CDH2: variants seen among roughly 807,000 people sequenced by gnomAD.
CDH2 encodes cadherin-2.
CDH2 carries 17 observed loss-of-function variants against 92.0 expected under a neutral mutation model. The ratio of observed to expected loss-of-function variants is 0.18; its 90% CI spans 0.13 to 0.28. The LOEUF (loss-of-function observed/expected upper bound fraction) is 0.28. Ranked by LOEUF, CDH2 falls within the 10% of genes least tolerant of loss-of-function variation. CDH2 has a pLI of 1.00. For synonymous variants in CDH2, 419 were observed against 415.9 expected, an observed-to-expected ratio of 1.01 and a Z score of -0.09; for missense variants, 862 against 1,133.1, an observed-to-expected ratio of 0.76 and a Z score of 3.44.
At chr18:28,163,202 A>T (rs1302767734) in intron 1 of CDH2, among the ~76,000 whole-genome samples, 1 of 152,208 alleles carries the variant, frequency 6.6e-6, no homozygotes, top group African/African-American at 2.4e-5. Flanking sequence ...AGTCCACCAG[A>T]TTTTTTTAAA....
rs1449224861 is a variant in CDH2, at chr18:27,985,139, T to C, written c.2070A>G (p.Lys690=). Residue 690 remains lysine (K), a synonymous_variant, in exon 13 of 16, where the codon AAA becomes AAG. Coordinates refer to ENST00000269141, the MANE Select transcript of CDH2 (RefSeq NM_001792.5). The part of the protein sequence containing the change: ...IIITDSGNPP[K]SNISILRVKV... ...TCACACGCAGGATGGAAATATTTGA[T>C]TTGGGAGGATTACCCGAATCTGTGA... 1.9e-6 allele frequency: 3 copies of C among 1,613,640 alleles called. No individual in the cohort carries two copies. Among genetic ancestry groups the C allele is most frequent in the Non-Finnish European group, 2.5e-6 (3 of 1,179,664 alleles).
chr18:27,939,741 T>C (rs1909093614), intron 6 of CDH2, among the ~76,000 whole-genome samples: 1 of 152,212 alleles, frequency 6.6e-6, no homozygotes, highest in Non-Finnish European at 1.5e-5. Flanking sequence ...CAACATTAAA[T>C]GGCTAAGTTA....
chr18:28,132,000 C>CA (rs1456642701), intron 2 of CDH2, among the ~76,000 whole-genome samples: 1 of 152,204 alleles, frequency 6.6e-6, no homozygotes, highest in Non-Finnish European at 1.5e-5. Context: ...GCAAATGTGA[C>CA]AAGGTCCCTG....
At chr18:28,043,495 A>ATATATATATATAT (rs1567976503) in intron 2 of CDH2, among the ~76,000 whole-genome samples, 14 of 87,382 alleles carry the variant, frequency 1.6e-4, no homozygotes, top group African/African-American at 2.4e-4. Context: ...TATATATATA[A>ATATATATATATAT]ATATATATAT....
chr18:27,943,477 A>G (rs536354963), intron 6 of CDH2, among the ~76,000 whole-genome samples: 2 of 152,324 alleles, frequency 1.3e-5, no homozygotes, highest in South Asian at 4.1e-4. Flanking sequence ...TGTTACCAAA[A>G]AGCATCAACG....
At chr18:28,012,092 T>G in intron 3 of CDH2, 100 bp from the exon 4 acceptor site, 1 of 988,620 alleles carries the variant, frequency 1.0e-6, no homozygotes, top group Admixed American at 2.6e-5. Flanking sequence ...AATCACAGTT[T>G]ATTATGAACA....
At chr18:28,059,820 TTCC>T (rs1280801327) in intron 2 of CDH2, among the ~76,000 whole-genome samples, 64 of 152,226 alleles carry the variant, frequency 4.2e-4, no homozygotes, top group African/African-American at 1.4e-3. Flanking sequence ...TTGAATCAGA[TTCC>T]AATGAGATTG....
chr18:28,009,735 C>T lies in CDH2; in HGVS notation c.684G>A (p.Glu228=), dbSNP rs745684063. 6.2e-7 allele frequency: 1 copy of T among 1,613,800 alleles called. No individual in the cohort carries two copies. The highest frequency in any genetic ancestry group is 1.7e-5 in the Admixed American group (1 of 59,986). ...QLSVTKPLDR[E]QIARFHLRAH... ...ATCTTACATGAAACCGGGCTATCTG[C>T]TCGCGATCCAGGGGCTTTGTCACCG... The change falls in exon 5 of 16, where the codon GAG becomes GAA. Residue 228 remains glutamate (E), a synonymous_variant. Coordinates refer to ENST00000269141, the MANE Select transcript of CDH2 (RefSeq NM_001792.5).
chr18:28,152,038 A>G (rs1016782451), intron 1 of CDH2, among the ~76,000 whole-genome samples: 6 of 152,218 alleles, frequency 3.9e-5, no homozygotes, highest in African/African-American at 1.4e-4. Flanking sequence ...GCATTTGAAA[A>G]TGTAAAAAAT....
intron 1 of CDH2, among the ~76,000 whole-genome samples, chr18:28,176,537 C>T (rs1256910342): frequency 2.0e-5 from 3 of 152,162 alleles, no homozygotes; most frequent in African/African-American, 7.2e-5. Context: ...AGAATTCCTA[C>T]TGTAAACTCG....
intron 2 of CDH2, among the ~76,000 whole-genome samples, chr18:28,121,054 T>C (rs909567851): frequency 6.6e-6 from 1 of 152,172 alleles, no homozygotes; most frequent in Non-Finnish European, 1.5e-5. Flanking sequence ...AACACTAATG[T>C]TATTCTGTGC....
At chr18:28,017,021 T>C (rs189813872) in intron 2 of CDH2, among the ~76,000 whole-genome samples, 1 of 152,190 alleles carries the variant, frequency 6.6e-6, no homozygotes, top group Admixed American at 6.5e-5. Flanking sequence ...TATTCTGTTA[T>C]AGCTAGTATT....
intron 2 of CDH2, among the ~76,000 whole-genome samples, chr18:28,087,860 C>A (rs1255335724): frequency 3.9e-5 from 6 of 151,980 alleles, no homozygotes; most frequent in African/African-American, 1.5e-4. Flanking sequence ...ATGATGGGAG[C>A]CCTGGGACCA....
chr18:28,047,410 A>T (rs2014097919), intron 2 of CDH2, among the ~76,000 whole-genome samples: 1 of 152,180 alleles, frequency 6.6e-6, no homozygotes. Flanking sequence ...GGCCATACTT[A>T]ACGATTTTAT....
intron 2 of CDH2, among the ~76,000 whole-genome samples, chr18:28,125,787 G>A (rs185639716): frequency 8.5e-4 from 130 of 152,186 alleles, no homozygotes; most frequent in Admixed American, 8.2e-3. Flanking sequence ...AGAAACTGAA[G>A]GGGTTAATCT....
At chr18:28,027,906 ATT>A (rs2013600471) in intron 2 of CDH2, among the ~76,000 whole-genome samples, 1 of 151,794 alleles carries the variant, frequency 6.6e-6, no homozygotes. Flanking sequence ...ACTACCTCTA[ATT>A]AAATTAGTCT....
chr18:28,177,061 G>C lies in CDH2; in HGVS notation c.-39C>G. 1 of 1,228,374 alleles carries C rather than the reference G, an allele frequency of 8.1e-7. No individual in the cohort carries two copies. The highest frequency in any genetic ancestry group is 1.1e-6 in the Non-Finnish European group (1 of 916,392). 76.1% of individuals were successfully genotyped at this position (1,228,374 alleles called of 1,614,324 possible). On this transcript the variant is annotated 5_prime_UTR_variant, in exon 1 of 16. Transcript: ENST00000269141. Reference sequence around the variant, plus strand: ...GGCCGAGCGAAGAGCCGGAGGAGGCGGCGGCGGCGGCGGCGGCGGCGGAGG... The same window carrying C: ...GGCCGAGCGAAGAGCCGGAGGAGGCCGCGGCGGCGGCGGCGGCGGCGGAGG...
At chr18:27,960,587 T>C (rs2011375313) in intron 15 of CDH2, among the ~76,000 whole-genome samples, 1 of 152,222 alleles carries the variant, frequency 6.6e-6, no homozygotes, top group African/African-American at 2.4e-5. Context: ...AATATCGTGC[T>C]AGCAACAAAG....
chr18:28,083,535 T>C (rs28365301), intron 2 of CDH2, among the ~76,000 whole-genome samples: 1 of 152,240 alleles, frequency 6.6e-6, no homozygotes, highest in South Asian at 2.1e-4. Flanking sequence ...ATCCCAGAGG[T>C]ACGTGACTTT....
Sources: gnomAD v4.1 joint callset for allele counts (sites outside exome capture counted in the v4.1 genomes callset) on GRCh38, gnomAD v4.1.1 for gene constraint, MANE v1.5 for transcripts, NCBI Gene and HGNC (gene_info 2026-07-23, HGNC 2026-07-21) for gene names.